CSF3R: variants seen among roughly 807,000 people sequenced by gnomAD.
CSF3R encodes the protein colony stimulating factor 3 receptor, also known as granulocyte colony-stimulating factor receptor.
In CSF3R, 52 loss-of-function variants were observed where a neutral mutation model predicts 84.4. The observed-to-expected ratio is 0.62, with a 90% CI of 0.49 to 0.78. CSF3R has a LOEUF of 0.78. CSF3R is among the 30% of genes least tolerant of loss of function. CSF3R has a pLI of 0.00. For missense variants in CSF3R, 890 were observed against 1,055.7 expected (o/e 0.84, Z 2.17); for synonymous variants, 384 against 429.1 (o/e 0.89, Z 1.30).
In CSF3R at chr1:36,475,434, A is replaced by G. The variant is rs372702415; in HGVS notation, c.304T>C (p.Cys102Arg). 3.7e-6 allele frequency: 6 copies of G among 1,614,070 alleles called. No homozygotes were observed. The African/African-American group carries it at 5.3e-5, about 14-fold the overall frequency. ...TGCAGGCTGTTGCCCCAGTTCAGGC[A>G]GCAGGAGAGAAAGGCCTGAGTGTGG... The part of the protein sequence containing the change: ...LNHTQAFLSC[C>R]LNWGNSLQIL... The change falls in exon 4 of 17, where the codon TGC becomes CGC. Residue 102 changes from cysteine to arginine, a missense_variant. Coordinates refer to ENST00000373106, the MANE Select transcript of CSF3R (RefSeq NM_000760.4).
chr1:36,468,120 T>A lies in CSF3R; in HGVS notation c.1678A>T (p.Thr560Ser). The A allele has an allele frequency of 4.3e-6, 7 of 1,613,942 alleles. No homozygotes were observed. Among genetic ancestry groups the A allele is most frequent in the Non-Finnish European group, 5.9e-6 (7 of 1,179,956 alleles). Residue 560 changes from threonine (T) to serine (S), a missense_variant, in exon 13 of 17, where the codon ACC (threonine) becomes TCC (serine). Thr to Ser is a moderately conservative substitution (Grantham distance 58). Coordinates refer to ENST00000373106, the MANE Select transcript of CSF3R (RefSeq NM_000760.4). Reference protein sequence around the residue: ...EPPELGKSPLTHYTIFWTNAQ... With the variant: ...EPPELGKSPLSHYTIFWTNAQ... ...TTGGTCCAGAAGATGGTGTAGTGGG[T>A]AAGGGGGCTCTTCCCCAGCTCAGGG... is the stretch of plus-strand genomic sequence containing the variant.
Position 36,476,020 on chromosome 1 carries a change from GT to G in CSF3R, c.65-348del, listed in dbSNP as rs34376624. ...AGTTGGGAAGAGATGTGCACAATTA[GT>G]TTTTGCAAGCCAGCACCAGCACACC... On this transcript the variant is annotated intron_variant, in intron 3 of 16. Transcript: ENST00000373106. The G allele has an allele frequency of 5.3e-4, 124 of 233,994 alleles. No homozygotes were observed. In the East Asian group the frequency reaches 9.5e-3, roughly 18 times the overall value. The allele number at this position is 233,994 out of a possible 1,614,324, so 14.5% of individuals were successfully genotyped here. A position where few individuals can be genotyped will look rare whatever the true frequency, so the allele number is the denominator to read the frequency against.
At chr1:36,479,587 T>C in intron 2 of CSF3R, 71 bp from the exon 3 acceptor site, 1 of 1,243,384 alleles carries the variant, frequency 8.0e-7, no homozygotes, top group South Asian at 1.2e-5. Context: ...TGTCTGTCAC[T>C]GTGCAGCTTT....
chr1:36,478,336 C>T (rs186484935), intron 3 of CSF3R, among the ~76,000 whole-genome samples: 4 of 151,972 alleles, frequency 2.6e-5, no homozygotes, highest in African/African-American at 9.6e-5. Context: ...TGAGACCAGC[C>T]TGGCCAACAT....
intron 10 of CSF3R, among the ~76,000 whole-genome samples, chr1:36,470,057 A>G (rs1202541297): frequency 6.6e-6 from 1 of 152,244 alleles, no homozygotes; most frequent in Admixed American, 6.5e-5. Flanking sequence ...TTGATGCACG[A>G]AACAAGCCTG....
In CSF3R at chr1:36,472,981, C is replaced by G. The variant is rs958660227; in HGVS notation, c.674-295G>C. The G allele has an allele frequency of 1.8e-5, 8 of 454,026 alleles. No individual in the cohort carries two copies. Among genetic ancestry groups the G allele is most frequent in the African/African-American group, 4.0e-5 (2 of 50,120 alleles). 28.1% of individuals were successfully genotyped at this position (454,026 alleles called of 1,614,324 possible). On this transcript the variant is annotated intron_variant, in intron 6 of 16. Coordinates refer to ENST00000373106, the MANE Select transcript of CSF3R (RefSeq NM_000760.4). This position sits in a 1 kb window ranked among gnomAD's most constrained non-coding sequence, Gnocchi z 5.0. Reference sequence around the variant, plus strand: ...CTCAATTGTCACCCTCTTAGTGAGGCCTTTCTTGACCAGCATATTAAAATA... The same window carrying G: ...CTCAATTGTCACCCTCTTAGTGAGGGCTTTCTTGACCAGCATATTAAAATA...
rs560055913 is a variant in CSF3R, at chr1:36,482,488, C to T, written c.-81+323G>A. Among the ~76,000 whole-genome samples the T allele has an allele frequency of 3.2e-4, 48 of 152,174 alleles. 1 individual carries two copies. In the South Asian group the frequency reaches 8.7e-3, roughly 28 times the overall value. On this transcript the variant is annotated intron_variant, in intron 1 of 16. Coordinates refer to ENST00000373106, the MANE Select transcript of CSF3R (RefSeq NM_000760.4). ...GAGACCCAGACGGGGAGGGGTTGCG[C>T]GGCTGGAACTCACAGACACACACGT...
At chr1:36,474,496 G>T (rs1421620254) in intron 4 of CSF3R, among the ~76,000 whole-genome samples, 1 of 141,880 alleles carries the variant, frequency 7.0e-6, no homozygotes, top group Non-Finnish European at 1.5e-5. Context: ...TGTATTTTTA[G>T]TAGAGACGGG....
chr1:36,479,784 A>C (rs1651403114), intron 2 of CSF3R, among the ~76,000 whole-genome samples: 1 of 152,254 alleles, frequency 6.6e-6, no homozygotes, highest in Non-Finnish European at 1.5e-5. Flanking sequence ...AGGAAAGAGC[A>C]GGGAAAGGAG....
chr1:36,469,960 A>C, intron 10 of CSF3R, 120 bp from the exon 11 acceptor site: 2 of 1,011,252 alleles, frequency 2.0e-6, no homozygotes, highest in Non-Finnish European at 3.0e-6. Flanking sequence ...TGGTAGGTCA[A>C]CATCTTAGCC....
chr1:36,467,488 G>A lies in CSF3R; in HGVS notation c.1958+70C>T. The A allele has an allele frequency of 6.7e-7, 1 of 1,500,128 alleles. No homozygotes were observed. The highest frequency in any genetic ancestry group is 9.3e-7 in the Non-Finnish European group (1 of 1,079,062). The allele number at this position is 1,500,128 out of a possible 1,614,324, so 92.9% of individuals were successfully genotyped here. ...TGGGAAGGCTGGAAGGGACTTAGAT[G>A]GGCCCATCTGGACCTGAGGTTCCCT... On this transcript the variant is annotated intron_variant, in intron 15 of 16. Transcript: ENST00000373106. The surrounding 1 kb of genome is among the most constrained non-coding windows in gnomAD (Gnocchi z 4.1).
intron 3 of CSF3R, chr1:36,477,234 A>G (rs1477679284): frequency 6.6e-6 from 1 of 152,092 alleles, no homozygotes; most frequent in Non-Finnish European, 1.5e-5. Flanking sequence ...AGTGCCTAGT[A>G]CAGAGTAGGA....
rs1180129092 is a variant in CSF3R, at chr1:36,473,456, A to ACAGTTGTGGGGACATGCTGGTCC, written c.629_651dup (p.Cys218GlyfsTer16). The ACAGTTGTGGGGACATGCTGGTCC allele has an allele frequency of 6.2e-7, 1 of 1,613,990 alleles. No individual in the cohort carries two copies. The highest frequency in any genetic ancestry group is 8.5e-7 in the Non-Finnish European group (1 of 1,180,018). ...CCACCAACATCCATGGGATCAAGAC[A>ACAGTTGTGGGGACATGCTGGTCC]CAGTTGTGGGGACATGCTGGTCCCC... On this transcript the variant is annotated frameshift_variant, in exon 6 of 17. Coordinates refer to ENST00000373106, the MANE Select transcript of CSF3R (RefSeq NM_000760.4). LOFTEE classifies it high-confidence loss of function.
In CSF3R at chr1:36,467,049, G is replaced by A. The variant is rs114026540; in HGVS notation, c.2040+181C>T. ...GGTCAGTTTTTCCATATCACAGGGA[G>A]GTGACTGAGGCTTTGAGATGGACAG... On this transcript the variant is annotated intron_variant, in intron 16 of 16. Transcript: ENST00000373106. This position sits in a 1 kb window ranked among gnomAD's most constrained non-coding sequence, Gnocchi z 4.1. 1,251 of 1,278,174 alleles carry A rather than the reference G, an allele frequency of 9.8e-4. 14 individuals carry two copies. In the African/African-American group the frequency reaches 0.017, roughly 17 times the overall value. 79.2% of individuals were successfully genotyped at this position (1,278,174 alleles called of 1,614,324 possible).
intron 3 of CSF3R, among the ~76,000 whole-genome samples, chr1:36,476,744 T>G (rs947357084): frequency 2.6e-5 from 4 of 152,002 alleles, no homozygotes; most frequent in African/African-American, 9.7e-5. Context: ...CAGTGCACCC[T>G]TGACCTCCTA....
At chr1:36,468,711 GGTTT>G (rs922416754) in intron 12 of CSF3R, 6 of 228,906 alleles carry the variant, frequency 2.6e-5, no homozygotes, top group East Asian at 1.2e-4. Flanking sequence ...GCTAATTTTT[GGTTT>G]GTTTGTTTGT....
rs779531025 is a variant in CSF3R at position 36,467,790 on chromosome 1, G to A, written c.1864+32C>T. On this transcript the variant is annotated intron_variant, in intron 14 of 16. Transcript: ENST00000373106. This position sits in a 1 kb window ranked among gnomAD's most constrained non-coding sequence, Gnocchi z 4.1. ...CTTTGGGTGGGGTACCCTCCAAACA[G>A]CCATCTCTGCCCAGCCCCCGTCTCC... 131 of 1,614,072 alleles carry A rather than the reference G, an allele frequency of 8.1e-5. No individual in the cohort carries two copies. Among genetic ancestry groups the A allele is most frequent in the Non-Finnish European group, 1.1e-4 (129 of 1,180,026 alleles).
intron 12 of CSF3R, 61 bp downstream of exon 12, chr1:36,469,095 C>A: frequency 8.1e-7 from 1 of 1,240,944 alleles, no homozygotes. Context: ...TGCTGGGGAC[C>A]AGGCAGAGCC....
intron 2 of CSF3R, among the ~76,000 whole-genome samples, chr1:36,480,399 T>G (rs1299618088): frequency 6.6e-6 from 1 of 152,232 alleles, no homozygotes; most frequent in African/African-American, 2.4e-5. Flanking sequence ...GGCACAGACC[T>G]CTGGTGGCCT....
Sources: gnomAD v4.1 joint callset for allele counts (sites outside exome capture counted in the v4.1 genomes callset) on GRCh38, gnomAD v4.1.1 for gene constraint, Gnocchi (gnomAD v3.1) non-coding constraint, MANE v1.5 for transcripts, NCBI Gene and HGNC (gene_info 2026-07-23, HGNC 2026-07-21) for gene names.